Variants in GUCY2D observed in about 807,000 individuals in gnomAD.
GUCY2D encodes the protein retinal guanylyl cyclase 1.
A neutral mutation model predicts 101.3 loss-of-function variants in GUCY2D; 70 were observed. That is an observed-to-expected ratio of 0.69 (90% CI 0.57 to 0.84). The LOEUF is 0.84. Ranked by LOEUF, GUCY2D falls within the 40% of genes least tolerant of loss-of-function variation. The pLI is 0.00. For synonymous variants in GUCY2D, 688 were observed against 670.7 expected, an observed-to-expected ratio of 1.03 and a Z score of -0.40; for missense variants, 1,460 against 1,542.5, an observed-to-expected ratio of 0.95 and a Z score of 0.90.
chr17:8,006,998 C>A, intron 4 of GUCY2D, 62 bp from the exon 5 acceptor site: 3 of 1,340,334 alleles, frequency 2.2e-6, no homozygotes, highest in Middle Eastern at 2.1e-4. Flanking sequence ...GGCATGCCTC[C>A]CTAGAGAAGA....
rs886038268 is a variant in GUCY2D, at chr17:8,003,856, G to A, written c.726G>A (p.Val242=). 2.2e-5 allele frequency: 36 copies of A among 1,612,042 alleles called. No individual in the cohort carries two copies. The highest frequency in any genetic ancestry group is 3.1e-5 in the Non-Finnish European group (36 of 1,179,704). The change falls in exon 3 of 20, where the codon GTG becomes GTA. Residue 242 remains valine (V), a synonymous_variant. Coordinates refer to ENST00000254854, the MANE Select transcript of GUCY2D (RefSeq NM_000180.4). ...GAGCCAAGCCTCTGTCCGCAGCAGT[G>A]ATCATGGTGATGCACTCGGTGCTGC... ...KVRDGPRVTA[V]IMVMHSVLLG... is the part of the protein sequence containing the mutation.
At chr17:8,017,506 AAACTGGC>A (rs1246480191) in intron 19 of GUCY2D, among the ~76,000 whole-genome samples, 1 of 152,166 alleles carries the variant, frequency 6.6e-6, no homozygotes, top group African/African-American at 2.4e-5. Context: ...CACCAGTCAG[AAACTGGC>A]TGCTTCTCCT....
At position 8,003,512 on chromosome 17, in the gene GUCY2D, G is replaced by T; in HGVS notation, c.465G>T (p.Thr155=). Residue 155 remains threonine, a synonymous_variant, in exon 2 of 20, where the codon ACG becomes ACT. Coordinates refer to ENST00000254854, the MANE Select transcript of GUCY2D (RefSeq NM_000180.4). The part of the protein sequence containing the change: ...IALVPWGCPW[T]QAEGTTAPAV... ...TGGTGCCCTGGGGCTGCCCCTGGAC[G>T]CAGGCGGAGGGCACCACGGCCCCTG... The T allele has an allele frequency of 1.3e-6, 2 of 1,533,902 alleles. No individual in the cohort carries two copies. The highest frequency in any genetic ancestry group is 1.2e-5 in the South Asian group (1 of 84,372).
chr17:8,008,969 T>C (rs368480652), intron 7 of GUCY2D, among the ~76,000 whole-genome samples: 63 of 152,316 alleles, frequency 4.1e-4, no homozygotes, highest in Middle Eastern at 6.8e-3. Flanking sequence ...TCCTCGTTCA[T>C]TCATGATGAT....
In GUCY2D at chr17:8,013,380, G is replaced by A. The variant is rs1178992279; in HGVS notation, c.2263+128G>A. 4.2e-6 allele frequency: 4 copies of A among 956,064 alleles called. No homozygotes were observed. Among genetic ancestry groups the A allele is most frequent in the Admixed American group, 2.0e-5 (1 of 50,022 alleles). 59.2% of individuals were successfully genotyped at this position (956,064 alleles called of 1,614,324 possible). A position where few individuals can be genotyped will look rare whatever the true frequency, so the allele number is the denominator to read the frequency against. On this transcript the variant is annotated intron_variant, in intron 11 of 19. Coordinates refer to ENST00000254854, the MANE Select transcript of GUCY2D (RefSeq NM_000180.4). The surrounding 1 kb of genome is among the most constrained non-coding windows in gnomAD (Gnocchi z 5.0). ...TCAATTATACGGAGGCCCCCTTAAA[G>A]CTGGCATCTGCAGGTCTGGGTGCAG...
intron 7 of GUCY2D, among the ~76,000 whole-genome samples, chr17:8,008,820 T>G (rs1021395462): frequency 1.3e-5 from 2 of 152,218 alleles, no homozygotes; most frequent in African/African-American, 4.8e-5. Flanking sequence ...TTTCCCCACA[T>G]TTATTTCCAA....
chr17:8,009,302 C>T (rs118057940), intron 7 of GUCY2D, among the ~76,000 whole-genome samples: 16 of 152,312 alleles, frequency 1.1e-4, no homozygotes, highest in Non-Finnish European at 2.2e-4. Context: ...GCTTCAGAAT[C>T]TCTGTCATCC....
intron 3 of GUCY2D, 109 bp from the exon 4 acceptor site, chr17:8,006,254 A>C (rs1448922455): frequency 9.8e-6 from 8 of 815,738 alleles, no homozygotes; most frequent in Non-Finnish European, 1.7e-5. Flanking sequence ...GGGAACAACT[A>C]ACTGGAAGGT....
chr17:8,009,669 A>G (rs886944115), intron 8 of GUCY2D, 83 bp downstream of exon 8: 33 of 919,894 alleles, frequency 3.6e-5, no homozygotes, highest in Non-Finnish European at 5.3e-5. Context: ...GTACAGAGGT[A>G]GGTCTCAGTT....
rs750484873 is a variant in GUCY2D at position 8,003,758 on chromosome 17, C to T, written c.711C>T (p.Pro237=). ...REALRKVRDG[P]RVTAVIMVMH... ...CCCTGAGGAAGGTTCGGGACGGGCC[C>T]AGGGTCACAGGTAGGCTCCCTTGCA... The change falls in exon 2 of 20, where the codon CCC becomes CCT. Residue 237 remains proline, a synonymous_variant. Coordinates refer to ENST00000254854, the MANE Select transcript of GUCY2D (RefSeq NM_000180.4). 5.6e-6 allele frequency: 9 copies of T among 1,599,428 alleles called. No homozygotes were observed. The highest frequency in any genetic ancestry group is 5.5e-5 in the South Asian group (5 of 91,032).
chr17:8,016,357 C>G, intron 18 of GUCY2D, 67 bp downstream of exon 18: 1 of 1,435,716 alleles, frequency 7.0e-7, no homozygotes, highest in Non-Finnish European at 9.6e-7. Context: ...TGTGTCTGAC[C>G]CCCCGCGCGC....
Position 8,012,430 on chromosome 17 carries a change from C to T in GUCY2D, c.1957-20C>T. The T allele has an allele frequency of 6.2e-7, 1 of 1,613,814 alleles. No homozygotes were observed. The highest frequency in any genetic ancestry group is 8.5e-7 in the Non-Finnish European group (1 of 1,179,920). ...GGAACCAAGCAGGCTGAGGCTGCCT[C>T]TTACCCTACCCATTCCAAGGGAATA... On this transcript the variant is annotated intron_variant, in intron 9 of 19. Transcript: ENST00000254854.
chr17:8,014,064 CT>C lies in GUCY2D; in HGVS notation c.2412+37del. On this transcript the variant is annotated intron_variant, in intron 12 of 19. Transcript: ENST00000254854. This position sits in a 1 kb window ranked among gnomAD's most constrained non-coding sequence, Gnocchi z 4.0. ...GGGAGTGGGCAAGGACTGGGCTGGC[CT>C]CTGGGATCCCAGATGCTTGTCAGCA... 1 of 1,589,986 alleles carries C rather than the reference CT, an allele frequency of 6.3e-7. No homozygotes were observed. The highest frequency in any genetic ancestry group is 8.6e-7 in the Non-Finnish European group (1 of 1,163,184).
intron 19 of GUCY2D, among the ~76,000 whole-genome samples, chr17:8,018,080 T>C (rs1202999460): frequency 1.3e-5 from 2 of 152,218 alleles, no homozygotes; most frequent in African/African-American, 2.4e-5. Flanking sequence ...GCCTGGGCCT[T>C]GGCACATTTG....
Position 8,006,490 on chromosome 17 carries a change from C to T in GUCY2D, c.1154C>T (p.Ala385Val), listed in dbSNP as rs1301307214. Reference protein sequence around the residue: ...GAAVARHIRDAQVPGFCGDLG... With the variant: ...GAAVARHIRDVQVPGFCGDLG... Reference sequence around the variant, plus strand: ...GCTGTGGCCCGCCACATCCGGGATGCGCAGGTCCCTGGCTTCTGCGGGGAC... The same window carrying T: ...GCTGTGGCCCGCCACATCCGGGATGTGCAGGTCCCTGGCTTCTGCGGGGAC... Residue 385 changes from alanine to valine, a missense_variant, in exon 4 of 20, where the codon GCG (alanine) becomes GTG (valine). Around this residue, in one of 3 missense-constraint regions of GUCY2D, gnomAD observed 1,196 missense variants for 1,229.6 expected, o/e 0.97. Coordinates refer to ENST00000254854, the MANE Select transcript of GUCY2D (RefSeq NM_000180.4). 2.5e-6 allele frequency: 4 copies of T among 1,607,952 alleles called. No homozygotes were observed. Among genetic ancestry groups the T allele is most frequent in the Non-Finnish European group, 3.4e-6 (4 of 1,179,964 alleles).
rs1975894612 is a variant in GUCY2D at position 8,013,313 on chromosome 17, C to A, written c.2263+61C>A. On this transcript the variant is annotated intron_variant, in intron 11 of 19. Transcript: ENST00000254854. This position sits in a 1 kb window ranked among gnomAD's most constrained non-coding sequence, Gnocchi z 5.0. ...GGGCACCCTGCAGTTAGAAAAGAGC[C>A]AGCCTCACTCTTTCCTCTAAAGCAA... 1 of 1,517,960 alleles carries A rather than the reference C, an allele frequency of 6.6e-7. No homozygotes were observed. The highest frequency in any genetic ancestry group is 9.1e-7 in the Non-Finnish European group (1 of 1,097,640). 94.0% of individuals were successfully genotyped at this position (1,517,960 alleles called of 1,614,324 possible). A position where few individuals can be genotyped will look rare whatever the true frequency, so the allele number is the denominator to read the frequency against.
At position 8,003,902 on chromosome 17, in the gene GUCY2D, T is replaced by C. The variant is rs1975688570; in HGVS notation, c.772T>C (p.Tyr258His). 2 of 1,613,394 alleles carry C rather than the reference T, an allele frequency of 1.2e-6. No homozygotes were observed. The highest frequency in any genetic ancestry group is 2.2e-5 in the East Asian group (1 of 44,852). ...SVLLGGEEQR[Y>H]LLEAAEELGL... Reference sequence around the variant, plus strand: ...GCTGCTGGGTGGCGAGGAGCAGCGCTACCTCCTGGAGGCCGCAGAGGAGCT... The same window carrying C: ...GCTGCTGGGTGGCGAGGAGCAGCGCCACCTCCTGGAGGCCGCAGAGGAGCT... The change falls in exon 3 of 20, where the codon TAC (tyrosine) becomes CAC (histidine). Residue 258 changes from tyrosine to histidine, a missense_variant. This residue lies in a region of GUCY2D where 1,196 missense variants were observed against 1,229.6 expected (regional missense o/e 0.97). Transcript: ENST00000254854.
intron 4 of GUCY2D, 123 bp from the exon 5 acceptor site, chr17:8,006,937 C>G: frequency 1.2e-6 from 1 of 868,224 alleles, no homozygotes; most frequent in Non-Finnish European, 1.9e-6. Context: ...ATGACCTACC[C>G]CTAGAGCCTC....
chr17:8,013,982 C>T lies in GUCY2D; in HGVS notation c.2366C>T (p.Ala789Val). 1 of 1,613,760 alleles carries T rather than the reference C, an allele frequency of 6.2e-7. No individual in the cohort carries two copies. Residue 789 changes from alanine (A) to valine (V), a missense_variant, in exon 12 of 20, where the codon GCA becomes GTA. By Grantham distance (64) the Ala-to-Val change is moderately conservative (BLOSUM62 0). Coordinates refer to ENST00000254854, the MANE Select transcript of GUCY2D (RefSeq NM_000180.4). The surrounding 1 kb of genome is among the most constrained non-coding windows in gnomAD (Gnocchi z 5.0). ...ATCCTCCTGATGAAGCAGTGCTGGG[C>T]AGAGCAGCCGGAACTTCGGCCCTCC... The part of the protein sequence containing the change: ...ECILLMKQCW[A>V]EQPELRPSMD...
Sources: allele counts gnomAD v4.1 joint callset (sites outside exome capture counted in the v4.1 genomes callset), GRCh38; gene constraint gnomAD v4.1.1; regional missense constraint gnomAD v4.1.1; non-coding constraint Gnocchi (gnomAD v3.1); transcripts MANE v1.5; gene names NCBI Gene and HGNC (gene_info 2026-07-23, HGNC 2026-07-21).